The following CCDC181 variants were observed in gnomAD, a reference collection of about 807,000 sequenced individuals.
CCDC181 encodes coiled-coil domain containing 181.
A neutral mutation model predicts 58.7 loss-of-function variants in CCDC181; 35 were observed. The ratio of observed to expected loss-of-function variants is 0.60; its 90% confidence interval spans 0.46 to 0.79. The LOEUF (loss-of-function observed/expected upper bound fraction) is 0.79. CCDC181 is among the 30% of genes least tolerant of loss of function. The probability of loss-of-function intolerance (pLI) is 0.00; values close to 1 mark genes in which losing one functional copy is unlikely to be tolerated. For missense variants in CCDC181, 517 were observed against 583.9 expected, an observed-to-expected ratio of 0.89 and a Z score of 1.18; for synonymous variants, 183 against 197.5, an observed-to-expected ratio of 0.93 and a Z score of 0.62.
chr1:169,435,809 A>C (rs1376828577), intron 2 of CCDC181, among the ~76,000 whole-genome samples: 1 of 152,232 alleles, frequency 6.6e-6, no homozygotes, highest in African/African-American at 2.4e-5. Context: ...ACATTATCAA[A>C]CATTTTTTAA....
At chr1:169,409,760 C>T (rs959407100) in intron 4 of CCDC181, among the ~76,000 whole-genome samples, 3 of 152,050 alleles carry the variant, frequency 2.0e-5, no homozygotes, top group Admixed American at 2.0e-4. Flanking sequence ...GAATTTTCAA[C>T]CCAGAATTTC....
chr1:169,458,160 G>A (rs1486839028), intron 2 of CCDC181, among the ~76,000 whole-genome samples: 2 of 147,840 alleles, frequency 1.4e-5, no homozygotes, highest in South Asian at 2.1e-4. Context: ...AAAGGCTGGG[G>A]CAAAAGTAAT....
At chr1:169,435,389 GA>G (rs1657031081) in intron 2 of CCDC181, among the ~76,000 whole-genome samples, 1 of 152,080 alleles carries the variant, frequency 6.6e-6, no homozygotes, top group Non-Finnish European at 1.5e-5. Context: ...ATTAGTATAT[GA>G]ATTATATGTC....
chr1:169,453,345 T>C (rs1269822699), intron 2 of CCDC181, among the ~76,000 whole-genome samples: 1 of 152,114 alleles, frequency 6.6e-6, no homozygotes, highest in African/African-American at 2.4e-5. Context: ...CATAACTACA[T>C]CTTGATGCAC....
chr1:169,398,277 TAATG>T (rs1034758342), intron 4 of CCDC181, among the ~76,000 whole-genome samples: 27 of 152,276 alleles, frequency 1.8e-4, no homozygotes, highest in African/African-American at 6.3e-4. Context: ...TATTTCAAAA[TAATG>T]AGGAGAGGAT....
At chr1:169,449,262 A>G (rs1657465421) in intron 2 of CCDC181, among the ~76,000 whole-genome samples, 1 of 152,188 alleles carries the variant, frequency 6.6e-6, no homozygotes, top group Non-Finnish European at 1.5e-5. Context: ...TGAGGTAAAT[A>G]GGCCTTAAGT....
At position 169,421,699 on chromosome 1, in the gene CCDC181, A is replaced by C; in HGVS notation, c.732T>G (p.Asn244Lys). 1.9e-6 allele frequency: 3 copies of C among 1,614,046 alleles called. No homozygotes were observed. The highest frequency in any genetic ancestry group is 2.5e-6 in the Non-Finnish European group (3 of 1,179,996). Residue 244 changes from asparagine to lysine, a missense_variant, in exon 3 of 6, where the codon AAT becomes AAG. By Grantham distance (94) the Asn-to-Lys change is moderately conservative. Transcript: ENST00000367806. Reference sequence around the variant, plus strand: ...GAGGGTCATTTTCTGTACTATTTGCATTATTAATGGGAGGCAAAAACCCCT... The same window carrying C: ...GAGGGTCATTTTCTGTACTATTTGCCTTATTAATGGGAGGCAAAAACCCCT... ...ASQGFLPPIN[N>K]ANSTENDPQQ...
intron 4 of CCDC181, among the ~76,000 whole-genome samples, chr1:169,411,324 C>A (rs190791324): frequency 1.3e-5 from 2 of 152,212 alleles, no homozygotes; most frequent in African/African-American, 2.4e-5. Flanking sequence ...TACACCCTCC[C>A]AAGACTAAAC....
intron 5 of CCDC181, among the ~76,000 whole-genome samples, chr1:169,395,440 C>G (rs1440056368): frequency 6.6e-6 from 1 of 152,170 alleles, no homozygotes; most frequent in East Asian, 1.9e-4. Flanking sequence ...TACAATGAAA[C>G]TGCCAACTTA....
intron 2 of CCDC181, among the ~76,000 whole-genome samples, chr1:169,451,549 GT>G (rs1657539612): frequency 6.6e-6 from 1 of 152,082 alleles, no homozygotes. Flanking sequence ...ACAGCAAACT[GT>G]TATAATGATT....
intron 2 of CCDC181, among the ~76,000 whole-genome samples, chr1:169,453,026 T>C (rs1013119564): frequency 1.3e-5 from 2 of 151,762 alleles, no homozygotes; most frequent in African/African-American, 4.8e-5. Flanking sequence ...TTTCATTTTT[T>C]GAAGAAATAC....
At chr1:169,444,372 T>G (rs1657315146) in intron 2 of CCDC181, among the ~76,000 whole-genome samples, 1 of 152,198 alleles carries the variant, frequency 6.6e-6, no homozygotes, top group African/African-American at 2.4e-5. Flanking sequence ...TATCCTCGCA[T>G]TAATTTTTAA....
intron 4 of CCDC181, among the ~76,000 whole-genome samples, chr1:169,406,548 C>T (rs771625320): frequency 6.6e-6 from 1 of 152,094 alleles, no homozygotes; most frequent in Non-Finnish European, 1.5e-5. Context: ...ATCACAAGGA[C>T]AGAAAACCAA....
chr1:169,415,443 T>TC lies in CCDC181; in HGVS notation c.1215+3569dup, dbSNP rs1246313827. On this transcript the variant is annotated intron_variant, in intron 4 of 5. Transcript: ENST00000367806. ...TATAAAAACTCCCAAACAACATCCATCCTCCCAAGTCACTGAAAGGGATCT... is the reference window on the plus strand; with the variant it reads ...TATAAAAACTCCCAAACAACATCCATCCCTCCCAAGTCACTGAAAGGGATCT... Among the ~76,000 whole-genome samples the TC allele has an allele frequency of 2.6e-5, 4 of 152,126 alleles. No individual in the cohort carries two copies. The South Asian group carries it at 6.2e-4, about 24-fold the overall frequency.
chr1:169,421,675 A>C lies in CCDC181; in HGVS notation c.756T>G (p.Pro252=), dbSNP rs902104906. 1.2e-6 allele frequency: 2 copies of C among 1,613,970 alleles called. No homozygotes were observed. The highest frequency in any genetic ancestry group is 1.7e-6 in the Non-Finnish European group (2 of 1,180,020). The change falls in exon 3 of 6, where the codon CCT becomes CCG. Residue 252 remains proline (P), a synonymous_variant. Transcript: ENST00000367806. ...TGGAAGATCTGGGTAACAACTGCTG[A>C]GGGTCATTTTCTGTACTATTTGCAT... ...INNANSTEND[P]QQLLPRSSNS...
chr1:169,431,396 T>G (rs1656915274), upstream of CCDC181, among the ~76,000 whole-genome samples: 1 of 152,078 alleles, frequency 6.6e-6, no homozygotes, highest in Admixed American at 6.6e-5. Flanking sequence ...GTCCATCAAA[T>G]GATGAATGGA....
chr1:169,420,937 T>A (rs774499027), intron 3 of CCDC181, among the ~76,000 whole-genome samples: 1 of 152,214 alleles, frequency 6.6e-6, no homozygotes, highest in Non-Finnish European at 1.5e-5. Flanking sequence ...GAACATAACA[T>A]GAAACACATG....
chr1:169,456,573 G>C (rs1397844070), intron 2 of CCDC181, among the ~76,000 whole-genome samples: 1 of 152,078 alleles, frequency 6.6e-6, no homozygotes, highest in Non-Finnish European at 1.5e-5. Context: ...AGATTAATGA[G>C]TTATCATGGG....
chr1:169,425,311 C>T (rs1190601859), intron 1 of CCDC181, among the ~76,000 whole-genome samples: 1 of 152,028 alleles, frequency 6.6e-6, no homozygotes, highest in Non-Finnish European at 1.5e-5. Flanking sequence ...AAACCTTTGG[C>T]CAGACTAAGT....
Sources: gnomAD v4.1 joint callset for allele counts (sites outside exome capture counted in the v4.1 genomes callset) on GRCh38, gnomAD v4.1.1 for gene constraint, MANE v1.5 for transcripts, NCBI Gene and HGNC (gene_info 2026-07-23, HGNC 2026-07-21) for gene names.